SAG: variants seen among roughly 807,000 people sequenced by gnomAD.
SAG encodes the protein S-arrestin.
In SAG, 45 loss-of-function variants were observed where a neutral mutation model predicts 55.0. The ratio of observed to expected loss-of-function variants is 0.82; its 90% CI spans 0.64 to 1.05. The LOEUF (loss-of-function observed/expected upper bound fraction) is 1.05, where lower values mean the gene tolerates loss of function less well. Among genes scored for constraint, SAG ranks in the 50% least tolerant of loss-of-function variants. The probability of loss-of-function intolerance (pLI) is 0.00; values close to 1 mark genes in which losing one functional copy is unlikely to be tolerated. For missense variants in SAG, 455 were observed against 512.1 expected, an observed-to-expected ratio of 0.89 and a Z score of 1.08; for synonymous variants, 189 against 197.4, an observed-to-expected ratio of 0.96 and a Z score of 0.36.
At chr2:233,343,484 A>G (rs1002347659) in intron 14 of SAG, 1 of 237,652 alleles carries the variant, frequency 4.2e-6, no homozygotes, top group African/African-American at 2.3e-5. Context: ...CATTTGAATT[A>G]TAAATCTACT....
chr2:233,310,047 C>A (rs866576939), intron 2 of SAG, among the ~76,000 whole-genome samples: 3 of 152,218 alleles, frequency 2.0e-5, no homozygotes, highest in Non-Finnish European at 4.4e-5. Context: ...GCCCGCAGGG[C>A]CATTGGATAA....
chr2:233,341,105 C>T (rs779593150), intron 13 of SAG, among the ~76,000 whole-genome samples: 1 of 152,166 alleles, frequency 6.6e-6, no homozygotes, highest in Non-Finnish European at 1.5e-5. Context: ...TGAGCCACCA[C>T]ACCTGGCAAA....
Position 233,319,720 on chromosome 2 carries a change from G to A in SAG, c.182-910G>A, listed in dbSNP as rs920184498. ...CCGAAAGCCCAAGTCCTTGACCAGA[G>A]AAGGGCGCCTGTTCTCAGGGAAAGC... On this transcript the variant is annotated intron_variant, in intron 4 of 15. Coordinates refer to ENST00000409110, the MANE Select transcript of SAG (RefSeq NM_000541.5). This position sits in a 1 kb window ranked among gnomAD's most constrained non-coding sequence, Gnocchi z 4.4. The A allele has an allele frequency of 1.0e-6, 1 of 985,636 alleles. No individual in the cohort carries two copies. Among genetic ancestry groups the A allele is most frequent in the African/African-American group, 1.7e-5 (1 of 57,258 alleles). The allele number at this position is 985,636 out of a possible 1,614,324, so 61.1% of individuals were successfully genotyped here.
At chr2:233,327,289 TC>T in intron 7 of SAG, 92 bp downstream of exon 7, 1 of 1,025,792 alleles carries the variant, frequency 9.7e-7, no homozygotes, top group Non-Finnish European at 1.5e-6. Context: ...ACAGACCTCT[TC>T]CCATAGGGCT....
intron 1 of SAG, among the ~76,000 whole-genome samples, chr2:233,308,765 A>G (rs1046629546): frequency 6.6e-6 from 1 of 152,118 alleles, no homozygotes; most frequent in Non-Finnish European, 1.5e-5. Flanking sequence ...CGAAGTGGTT[A>G]TGTTGTGGTT....
At chr2:233,329,658 C>A in intron 9 of SAG, 81 bp downstream of exon 9, 3 of 921,734 alleles carry the variant, frequency 3.3e-6, no homozygotes, top group Non-Finnish European at 5.2e-6. Flanking sequence ...CTTCTCTGGT[C>A]TGATAAGGCC....
chr2:233,338,658 T>C lies in SAG; in HGVS notation c.945-18T>C. 6.2e-7 allele frequency: 1 copy of C among 1,609,838 alleles called. No individual in the cohort carries two copies. Among genetic ancestry groups the C allele is most frequent in the Non-Finnish European group, 8.5e-7 (1 of 1,176,408 alleles). ...CCTCTGCTCTCCATCATTCTCCTTTTCCCTTCTGTTTGGGCAGCATTAAGG... is the reference window on the plus strand; with the variant it reads ...CCTCTGCTCTCCATCATTCTCCTTTCCCCTTCTGTTTGGGCAGCATTAAGG... On this transcript the variant is annotated intron_variant, in intron 11 of 15. Transcript: ENST00000409110.
chr2:233,309,918 C>G (rs536241768), intron 2 of SAG, among the ~76,000 whole-genome samples: 2 of 152,326 alleles, frequency 1.3e-5, no homozygotes, highest in Admixed American at 1.3e-4. Flanking sequence ...ACCTGTGATG[C>G]CCTTGGCCTT....
intron 13 of SAG, among the ~76,000 whole-genome samples, chr2:233,341,371 C>T (rs577086003): frequency 6.6e-6 from 1 of 152,292 alleles, no homozygotes; most frequent in East Asian, 1.9e-4. Flanking sequence ...TAACTTGCTG[C>T]TGCTTCGTGC....
chr2:233,335,549 G>A (rs962268643), intron 11 of SAG, among the ~76,000 whole-genome samples: 1 of 151,556 alleles, frequency 6.6e-6, no homozygotes, highest in Non-Finnish European at 1.5e-5. Flanking sequence ...CCCTAAGCAT[G>A]TAAACTGAGT....
At chr2:233,346,604 C>T (rs1194824017) in intron 15 of SAG, among the ~76,000 whole-genome samples, 192 bp downstream of exon 15, 10 of 152,218 alleles carry the variant, frequency 6.6e-5, no homozygotes, top group Non-Finnish European at 1.0e-4. Flanking sequence ...TGTGCTTGCT[C>T]ACTCTGCGCG....
chr2:233,330,759 T>G (rs1358454422), intron 9 of SAG, among the ~76,000 whole-genome samples: 1 of 152,114 alleles, frequency 6.6e-6, no homozygotes, highest in African/African-American at 2.4e-5. Context: ...TTCAAACCCC[T>G]GACCTCAGGT....
chr2:233,333,123 T>G (rs190707069), intron 10 of SAG: 13 of 152,352 alleles, frequency 8.5e-5, no homozygotes, highest in African/African-American at 2.9e-4. Context: ...AAGGCAACTT[T>G]AGGAGAAACT....
chr2:233,323,621 C>T (rs928751551), intron 6 of SAG, among the ~76,000 whole-genome samples: 13 of 152,218 alleles, frequency 8.5e-5, no homozygotes, highest in African/African-American at 2.9e-4. Flanking sequence ...CTTTGGCCTC[C>T]CAAAGTCCTG....
intron 12 of SAG, among the ~76,000 whole-genome samples, chr2:233,339,465 G>T (rs1055596867): frequency 1.3e-5 from 2 of 151,078 alleles, no homozygotes; most frequent in Non-Finnish European, 2.9e-5. Flanking sequence ...GAAAATAAGC[G>T]TTTAAAAAGA....
At chr2:233,311,345 G>C (rs1294559764) in intron 2 of SAG, among the ~76,000 whole-genome samples, 1 of 152,142 alleles carries the variant, frequency 6.6e-6, no homozygotes, top group African/African-American at 2.4e-5. Context: ...GGAAGAGGCT[G>C]TGGTTTCCTG....
At chr2:233,313,612 C>T (rs565875268) in intron 2 of SAG, among the ~76,000 whole-genome samples, 8 of 151,440 alleles carry the variant, frequency 5.3e-5, no homozygotes, top group South Asian at 2.1e-4. Context: ...ATGGTACGAT[C>T]GTAGCTCACT....
intron 6 of SAG, among the ~76,000 whole-genome samples, chr2:233,326,048 T>G (rs1298893749): frequency 6.6e-6 from 1 of 152,002 alleles, no homozygotes; most frequent in Non-Finnish European, 1.5e-5. Context: ...AGCTCTACTT[T>G]CCCCTCCAGG....
At chr2:233,327,023 G>T in intron 6 of SAG, 98 bp from the exon 7 acceptor site, 1 of 863,712 alleles carries the variant, frequency 1.2e-6, no homozygotes, top group South Asian at 1.4e-5. Flanking sequence ...AAAAGAGATA[G>T]TGCCACATCA....
Sources: allele counts gnomAD v4.1 joint callset (sites outside exome capture counted in the v4.1 genomes callset), GRCh38; gene constraint gnomAD v4.1.1; non-coding constraint Gnocchi (gnomAD v3.1); transcripts MANE v1.5; gene names NCBI Gene and HGNC (gene_info 2026-07-23, HGNC 2026-07-21).